MAPK8IP3: variants seen among roughly 807,000 people sequenced by gnomAD.
The protein encoded by MAPK8IP3 is mitogen-activated protein kinase 8 interacting protein 3, also known as C-Jun-amino-terminal kinase-interacting protein 3.
MAPK8IP3 carries 49 observed loss-of-function variants against 157.8 expected under a neutral mutation model. The observed-to-expected ratio is 0.31, with a 90% CI of 0.25 to 0.39. The LOEUF is 0.39. Among genes scored for constraint, MAPK8IP3 ranks in the 10% least tolerant of loss-of-function variants. MAPK8IP3 has a pLI of 1.00. For synonymous variants in MAPK8IP3, 897 were observed against 777.7 expected, an observed-to-expected ratio of 1.15 and a Z score of -2.55; for missense variants, 1,478 against 1,889.4, an observed-to-expected ratio of 0.78 and a Z score of 4.04.
chr16:1,730,039 C>A, intron 4 of MAPK8IP3, among the ~76,000 whole-genome samples: 1 of 93,064 alleles, frequency 1.1e-5, no homozygotes, highest in Non-Finnish European at 1.9e-5. Flanking sequence ...AAGATCTTGT[C>A]TCTACAAAAA....
At chr16:1,735,520 G>GCCGTGTGACCGT (rs1033499183) in intron 4 of MAPK8IP3, among the ~76,000 whole-genome samples, 1 of 86,272 alleles carries the variant, frequency 1.2e-5, no homozygotes, top group African/African-American at 5.1e-5. Context: ...CGTGTGAGCA[G>GCCGTGTGACCGT]CCGTGTGACC....
chr16:1,725,183 T>TTATTAC (rs1459362165), intron 2 of MAPK8IP3, among the ~76,000 whole-genome samples: 1 of 149,360 alleles, frequency 6.7e-6, no homozygotes, highest in African/African-American at 2.4e-5. Context: ...ATTATTATTA[T>TTATTAC]TATAAGAACA....
At chr16:1,735,850 T>C (rs1316084854) in intron 4 of MAPK8IP3, among the ~76,000 whole-genome samples, 1 of 136,874 alleles carries the variant, frequency 7.3e-6, no homozygotes, top group African/African-American at 2.8e-5. Flanking sequence ...TGACCGCCCG[T>C]GTGAGCATCC....
At chr16:1,715,345 C>T (rs188473180) in intron 1 of MAPK8IP3, among the ~76,000 whole-genome samples, 1 of 152,152 alleles carries the variant, frequency 6.6e-6, no homozygotes, top group Non-Finnish European at 1.5e-5. Context: ...AGAGCCACCC[C>T]CTGCACGTCC....
intron 4 of MAPK8IP3, among the ~76,000 whole-genome samples, chr16:1,737,830 G>A (rs1240175064): frequency 9.5e-6 from 1 of 105,596 alleles, no homozygotes; most frequent in Non-Finnish European, 1.9e-5. Context: ...CCGTGTGAGC[G>A]TGACTGTCCG....
intron 1 of MAPK8IP3, among the ~76,000 whole-genome samples, chr16:1,721,420 G>A (rs2038514356): frequency 6.6e-6 from 1 of 152,070 alleles, no homozygotes; most frequent in African/African-American, 2.4e-5. Context: ...GGGCAATATA[G>A]TGAGATCCTA....
At chr16:1,711,071 C>T (rs941877145) in intron 1 of MAPK8IP3, among the ~76,000 whole-genome samples, 2 of 152,238 alleles carry the variant, frequency 1.3e-5, no homozygotes, top group African/African-American at 4.8e-5. Context: ...CAGACAGGGC[C>T]GAGAGCTGAG....
At chr16:1,711,948 AAAAAAAAAAG>A (rs1345113989) in intron 1 of MAPK8IP3, among the ~76,000 whole-genome samples, 2 of 151,198 alleles carry the variant, frequency 1.3e-5, no homozygotes, top group Admixed American at 6.6e-5. Context: ...GTCTCAAAAA[AAAAAAAAAAG>A]AAAAAAAAAG....
chr16:1,740,218 G>A (rs1467055507), intron 4 of MAPK8IP3, among the ~76,000 whole-genome samples: 14 of 143,810 alleles, frequency 9.7e-5, no homozygotes, highest in Admixed American at 4.9e-4. Flanking sequence ...GTGAGCTTCC[G>A]TGTGACCGTC....
At chr16:1,740,364 G>A (rs568135363) in intron 4 of MAPK8IP3, among the ~76,000 whole-genome samples, 19 of 141,606 alleles carry the variant, frequency 1.3e-4, no homozygotes, top group Middle Eastern at 4.5e-3. Context: ...GCGTGCAACC[G>A]TCTGTGTGAC....
Position 1,765,183 on chromosome 16 carries a change from G to A in MAPK8IP3, c.2446+5G>A. 1 of 1,585,938 alleles carries A rather than the reference G, an allele frequency of 6.3e-7. No homozygotes were observed. Reference sequence around the variant, plus strand: ...TGTGCATCTCCAGCATCCCCGGTGAGCAGCTGGAGTGGGCGTTTCCACTCG... The same window carrying A: ...TGTGCATCTCCAGCATCCCCGGTGAACAGCTGGAGTGGGCGTTTCCACTCG... On this transcript the variant is annotated splice_donor_5th_base_variant and intron_variant, in intron 20 of 31. Coordinates refer to ENST00000610761, the MANE Select transcript of MAPK8IP3 (RefSeq NM_001318852.2).
chr16:1,750,886 C>T (rs531268958), intron 8 of MAPK8IP3, among the ~76,000 whole-genome samples: 37 of 152,152 alleles, frequency 2.4e-4, no homozygotes, highest in Non-Finnish European at 4.4e-4. Context: ...CCTTGTGATC[C>T]ACCCGCCTCG....
intron 1 of MAPK8IP3, among the ~76,000 whole-genome samples, chr16:1,708,371 G>A (rs1596525833): frequency 6.6e-6 from 1 of 152,230 alleles, no homozygotes; most frequent in South Asian, 2.1e-4. Context: ...GCTGGGCACC[G>A]CCCTCCACTG....
At chr16:1,717,327 G>C (rs909530817) in intron 1 of MAPK8IP3, among the ~76,000 whole-genome samples, 3 of 152,120 alleles carry the variant, frequency 2.0e-5, no homozygotes, top group Admixed American at 2.0e-4. Flanking sequence ...AGAGCCCTTT[G>C]GTCGTGGGAG....
In MAPK8IP3 at chr16:1,760,359, CA is replaced by C. The variant is rs1567198682; in HGVS notation, c.1305-20del. On this transcript the variant is annotated intron_variant, in intron 11 of 31. Transcript: ENST00000610761. ...CTGTATGCCGCGCCCGTGGCACTCC[CA>C]TCTTTCTGCTTTTTCAAAGAAACGC... The C allele has an allele frequency of 6.2e-7, 1 of 1,601,922 alleles. No homozygotes were observed. The highest frequency in any genetic ancestry group is 1.1e-5 in the South Asian group (1 of 90,456).
chr16:1,739,158 G>A (rs1232454039), intron 4 of MAPK8IP3, among the ~76,000 whole-genome samples: 8 of 126,860 alleles, frequency 6.3e-5, no homozygotes, highest in Admixed American at 2.6e-4. Context: ...GTGACCATCC[G>A]TGTGAGTGTG....
At position 1,759,938 on chromosome 16, in the gene MAPK8IP3, C is replaced by T. The variant is rs753117495; in HGVS notation, c.1247-20C>T. ...CTGTTTTGAAGGGCACAGGTGAAAC[C>T]TCCGCACCTTCTGTTTCAGGAATGG... On this transcript the variant is annotated intron_variant, in intron 10 of 31. Coordinates refer to ENST00000610761, the MANE Select transcript of MAPK8IP3 (RefSeq NM_001318852.2). 3.1e-6 allele frequency: 5 copies of T among 1,612,870 alleles called. No individual in the cohort carries two copies. In the Admixed American group the frequency reaches 6.7e-5, roughly 21 times the overall value.
At chr16:1,734,719 C>A (rs1334587873) in intron 4 of MAPK8IP3, among the ~76,000 whole-genome samples, 2 of 152,236 alleles carry the variant, frequency 1.3e-5, no homozygotes, top group African/African-American at 4.8e-5. Context: ...TCTGTCCTGC[C>A]ACAACCTTTG....
chr16:1,723,223 CAG>C (rs60609863), intron 1 of MAPK8IP3, among the ~76,000 whole-genome samples: 2,554 of 151,732 alleles, frequency 0.017, 75 homozygotes, highest in African/African-American at 0.059. Flanking sequence ...TTAGTAGAAA[CAG>C]AGTTTCACCA....
Sources: allele counts gnomAD v4.1 joint callset (sites outside exome capture counted in the v4.1 genomes callset), GRCh38; gene constraint gnomAD v4.1.1; transcripts MANE v1.5; gene names NCBI Gene and HGNC (gene_info 2026-07-23, HGNC 2026-07-21).